The following RBMS3 variants were observed in gnomAD, a reference collection of about 807,000 sequenced individuals.
RBMS3 encodes the protein RNA-binding motif, single-stranded-interacting protein 3.
RBMS3 carries 27 observed loss-of-function variants against 66.8 expected under a neutral mutation model. The observed-to-expected ratio is 0.40, with a 90% CI of 0.30 to 0.56. The LOEUF (loss-of-function observed/expected upper bound fraction) is 0.56. Ranked by LOEUF, RBMS3 falls within the 20% of genes least tolerant of loss-of-function variation. The pLI is 0.40. For missense variants in RBMS3, 513 were observed against 549.5 expected (o/e 0.93, Z 0.66); for synonymous variants, 188 against 183.0 (o/e 1.03, Z -0.22).
In RBMS3 at chr3:29,535,075, A is replaced by G. The variant is rs573170354; in HGVS notation, c.307+46576A>G. On this transcript the variant is annotated intron_variant, in intron 3 of 14. Coordinates refer to ENST00000383767, the MANE Select transcript of RBMS3 (RefSeq NM_001003793.3). ...CTGAGTGCAAATAATGGAGGAATTT[A>G]GCAGAAAACTTACAAGGTCATTTAC... 2.6e-5 allele frequency among the ~76,000 whole-genome samples: 4 copies of G among 152,316 alleles called. No homozygotes were observed. The South Asian group carries it at 8.3e-4, about 32-fold the overall frequency.
At chr3:29,922,866 A>G (rs1017766428) in intron 10 of RBMS3, among the ~76,000 whole-genome samples, 3 of 152,234 alleles carry the variant, frequency 2.0e-5, no homozygotes, top group Admixed American at 2.0e-4. Context: ...GTCTTTTCAC[A>G]GTATTTCAAA....
intron 1 of RBMS3, among the ~76,000 whole-genome samples, chr3:29,369,982 G>C (rs751313480): frequency 2.0e-5 from 3 of 152,060 alleles, no homozygotes; most frequent in East Asian, 1.9e-4. Flanking sequence ...TTCTTTCAGA[G>C]GTTATTTTAA....
At chr3:29,387,320 G>A (rs568805380) in intron 1 of RBMS3, among the ~76,000 whole-genome samples, 2 of 152,158 alleles carry the variant, frequency 1.3e-5, no homozygotes, top group African/African-American at 4.8e-5. Flanking sequence ...CCCCAAACCT[G>A]CTTTACTTTC....
At chr3:29,560,881 TC>T (rs1379717527) in intron 3 of RBMS3, among the ~76,000 whole-genome samples, 2 of 152,208 alleles carry the variant, frequency 1.3e-5, no homozygotes, top group Non-Finnish European at 2.9e-5. Flanking sequence ...CTGGTTCTCT[TC>T]TTTCTCCCAC....
In RBMS3 at chr3:29,352,236, G is replaced by A. The variant is rs543411886; in HGVS notation, c.75+70480G>A. On this transcript the variant is annotated intron_variant, in intron 1 of 14. Coordinates refer to ENST00000383767, the MANE Select transcript of RBMS3 (RefSeq NM_001003793.3). Reference sequence around the variant, plus strand: ...TGAGACAAATATTTTGTTCGTTTTTGCAAACATACACTAATTTATGGATAA... The same window carrying A: ...TGAGACAAATATTTTGTTCGTTTTTACAAACATACACTAATTTATGGATAA... 2.0e-5 allele frequency among the ~76,000 whole-genome samples: 3 copies of A among 151,972 alleles called. 1 individual carries two copies. The highest frequency in any genetic ancestry group is 7.2e-5 in the African/African-American group (3 of 41,484).
chr3:29,639,367 A>C (rs1364082476), intron 4 of RBMS3, among the ~76,000 whole-genome samples: 1 of 151,864 alleles, frequency 6.6e-6, no homozygotes, highest in Non-Finnish European at 1.5e-5. Flanking sequence ...AAAATATCCA[A>C]GGGGAAATTT....
chr3:29,977,551 G>T (rs184078545), intron 12 of RBMS3, among the ~76,000 whole-genome samples: 3 of 151,932 alleles, frequency 2.0e-5, no homozygotes, highest in African/African-American at 2.4e-5. Context: ...ACACAACACC[G>T]TGGTGATGCA....
At chr3:29,284,829 G>T (rs1193158709) in intron 1 of RBMS3, among the ~76,000 whole-genome samples, 6 of 113,376 alleles carry the variant, frequency 5.3e-5, no homozygotes, top group Admixed American at 4.3e-4. Context: ...TTAAAAAGTT[G>T]TCATTTGTCA....
chr3:29,685,297 G>C (rs528212929), intron 4 of RBMS3, among the ~76,000 whole-genome samples: 4 of 151,964 alleles, frequency 2.6e-5, no homozygotes, highest in Admixed American at 2.6e-4. Flanking sequence ...TCCTGACCTC[G>C]TGATCCGCCC....
chr3:29,571,625 T>C (rs140873320), intron 3 of RBMS3, among the ~76,000 whole-genome samples: 9 of 152,286 alleles, frequency 5.9e-5, no homozygotes, highest in African/African-American at 2.2e-4. Context: ...TATGTTCCAT[T>C]GGCCTATGTG....
At chr3:29,643,471 A>G (rs752759256) in intron 4 of RBMS3, among the ~76,000 whole-genome samples, 3 of 151,876 alleles carry the variant, frequency 2.0e-5, no homozygotes, top group Admixed American at 1.3e-4. Flanking sequence ...TGCATTGCCG[A>G]GGGTGTCTTA....
At chr3:29,418,943 C>T (rs2125697944) in intron 1 of RBMS3, among the ~76,000 whole-genome samples, 1 of 152,250 alleles carries the variant, frequency 6.6e-6, no homozygotes, top group East Asian at 1.9e-4. Flanking sequence ...TCGAGAACTC[C>T]AGTTATAAAA....
At chr3:29,497,301 G>A (rs779113060) in intron 3 of RBMS3, among the ~76,000 whole-genome samples, 3 of 152,142 alleles carry the variant, frequency 2.0e-5, no homozygotes, top group African/African-American at 4.8e-5. Flanking sequence ...GAGCCACTGC[G>A]CCTAGCCTGG....
chr3:29,475,298 G>A (rs1368969749), intron 2 of RBMS3, among the ~76,000 whole-genome samples: 1 of 151,058 alleles, frequency 6.6e-6, no homozygotes, highest in Non-Finnish European at 1.5e-5. Flanking sequence ...ACCCAGGCTG[G>A]AGTGCAATGG....
intron 3 of RBMS3, among the ~76,000 whole-genome samples, chr3:29,567,517 CTGTAGAGAGTCCA>C: frequency 6.6e-6 from 1 of 152,248 alleles, no homozygotes; most frequent in South Asian, 2.1e-4. Context: ...CATTATTCCT[CTGTAGAGAGTCCA>C]GTGGTAGAAT....
At chr3:29,608,037 C>T (rs1314131190) in intron 4 of RBMS3, among the ~76,000 whole-genome samples, 1 of 151,902 alleles carries the variant, frequency 6.6e-6, no homozygotes, top group Non-Finnish European at 1.5e-5. Context: ...CCAGCTTCAA[C>T]ATTTATTCTA....
At chr3:29,964,991 T>C (rs1696731851) in intron 12 of RBMS3, among the ~76,000 whole-genome samples, 1 of 152,150 alleles carries the variant, frequency 6.6e-6, no homozygotes, top group Non-Finnish European at 1.5e-5. Flanking sequence ...CATTCCTGAG[T>C]ACCTCACTTA....
intron 4 of RBMS3, among the ~76,000 whole-genome samples, chr3:29,647,099 T>C (rs768962637): frequency 1.3e-5 from 2 of 152,130 alleles, no homozygotes; most frequent in Non-Finnish European, 2.9e-5. Flanking sequence ...TGCCTCAGCC[T>C]CCCAAGTAGC....
chr3:30,001,586 A>G (rs1699611348), intron 14 of RBMS3, among the ~76,000 whole-genome samples: 2 of 151,950 alleles, frequency 1.3e-5, no homozygotes, highest in South Asian at 4.1e-4. Flanking sequence ...ATGAATACCA[A>G]ATTTCTATAC....
Sources: allele counts gnomAD v4.1 joint callset (sites outside exome capture counted in the v4.1 genomes callset), GRCh38; gene constraint gnomAD v4.1.1; transcripts MANE v1.5; gene names NCBI Gene and HGNC (gene_info 2026-07-23, HGNC 2026-07-21).